Variants in MYOF observed in about 807,000 individuals in gnomAD.
MYOF encodes myoferlin.
Under a neutral mutation model 284.2 loss-of-function variants are expected in MYOF, and 244 were observed. That is an observed-to-expected ratio of 0.86 (90% CI 0.77 to 0.95). MYOF has a LOEUF of 0.95. Ranked by LOEUF, MYOF falls within the 40% of genes least tolerant of loss-of-function variation. MYOF has a pLI of 0.00. For missense variants in MYOF, 2,496 were observed against 2,560.6 expected (o/e 0.97, Z 0.54); for synonymous variants, 904 against 919.7 (o/e 0.98, Z 0.31).
intron 39 of MYOF, among the ~76,000 whole-genome samples, 158 bp downstream of exon 39, chr10:93,339,995 C>T (rs1402505209): frequency 2.0e-5 from 3 of 152,226 alleles, no homozygotes; most frequent in East Asian, 1.9e-4. Flanking sequence ...AGGAGAATGG[C>T]GTGAACCCCG....
chr10:93,473,737 A>G (rs1243141576), intron 1 of MYOF, among the ~76,000 whole-genome samples: 2 of 152,198 alleles, frequency 1.3e-5, no homozygotes, highest in Non-Finnish European at 2.9e-5. Flanking sequence ...GTAATGAAGC[A>G]ATTCTGAACC....
chr10:93,384,494 A>T (rs701852), intron 19 of MYOF, among the ~76,000 whole-genome samples: 45,296 of 151,838 alleles, frequency 0.3, 8,094 homozygotes, highest in Middle Eastern at 0.41. Context: ...AATACAAAAA[A>T]TTAGCTGGGC....
chr10:93,322,128 CCT>C (rs1227116570), intron 48 of MYOF, among the ~76,000 whole-genome samples: 2 of 152,000 alleles, frequency 1.3e-5, no homozygotes, highest in African/African-American at 2.4e-5. Context: ...TGAAACATTC[CCT>C]GTTTATAGTG....
intron 23 of MYOF, among the ~76,000 whole-genome samples, chr10:93,374,403 GTAGAACCAA>G (rs1490679365): frequency 1.3e-5 from 2 of 152,136 alleles, no homozygotes; most frequent in African/African-American, 4.8e-5. Context: ...GTTATACATG[GTAGAACCAA>G]GGTTCAAATT....
chr10:93,381,289 A>G lies in MYOF; in HGVS notation c.1806T>C (p.Tyr602=). Residue 602 remains tyrosine, a synonymous_variant, in exon 20 of 54, where the codon TAT becomes TAC. Coordinates refer to ENST00000359263, the MANE Select transcript of MYOF (RefSeq NM_013451.4). ...AIQFEVSIGN[Y]GNKFDTTCKP... is the part of the protein sequence containing the mutation. The stretch of plus-strand genomic sequence containing the variant: ...TACAGGTGGTGTCAAACTTGTTGCC[A>G]TAGTTCCCAATGCTGACTTCAAACT... The G allele has an allele frequency of 1.2e-6, 2 of 1,614,214 alleles. No homozygotes were observed. Among genetic ancestry groups the G allele is most frequent in the Non-Finnish European group, 1.7e-6 (2 of 1,180,048 alleles).
rs749472835 is a variant in MYOF at position 93,377,314 on chromosome 10, T to A, written c.2108+9A>T. 2.0e-4 allele frequency: 322 copies of A among 1,603,528 alleles called. 2 individuals carry two copies. Among genetic ancestry groups the A allele is most frequent in the Non-Finnish European group, 3.8e-5 (45 of 1,170,530 alleles). ...TGAAAATTCTGAGATAGGCGTAAGA[T>A]CACTGTACCTCGTGTCTTCTATAAC... On this transcript the variant is annotated intron_variant, in intron 22 of 53. Transcript: ENST00000359263.
rs149302931 is a variant in MYOF, at chr10:93,425,638, A to G, written c.433+433T>C. ...GACAGTGAAGGAGGTTCCAGTCGAA[A>G]GCCATGCCCATGAGACTGGTGCTGA... On this transcript the variant is annotated intron_variant, in intron 5 of 53. Transcript: ENST00000359263. 7.5e-4 allele frequency: 128 copies of G among 170,434 alleles called. 1 individual carries two copies. Among genetic ancestry groups the G allele is most frequent in the African/African-American group, 2.8e-3 (118 of 42,126 alleles). 10.6% of individuals were successfully genotyped at this position (170,434 alleles called of 1,614,324 possible). A position where few individuals can be genotyped will look rare whatever the true frequency, so the allele number is the denominator to read the frequency against.
intron 17 of MYOF, among the ~76,000 whole-genome samples, chr10:93,389,468 T>A (rs113742452): frequency 2.0e-5 from 3 of 152,374 alleles, no homozygotes; most frequent in African/African-American, 7.2e-5. Context: ...GGCATTGTAT[T>A]AAACATGCCA....
chr10:93,349,501 T>C (rs1277188684), intron 36 of MYOF, among the ~76,000 whole-genome samples: 2 of 152,230 alleles, frequency 1.3e-5, no homozygotes, highest in Admixed American at 6.5e-5. Flanking sequence ...GGGGTTAATA[T>C]TCTGCCTTCA....
chr10:93,411,685 T>G (rs1847906987), intron 5 of MYOF, among the ~76,000 whole-genome samples: 1 of 152,178 alleles, frequency 6.6e-6, no homozygotes, highest in Non-Finnish European at 1.5e-5. Context: ...GGCCTCCACA[T>G]GCACTGCTTT....
At chr10:93,342,970 A>G (rs1304215772) in intron 38 of MYOF, among the ~76,000 whole-genome samples, 2 of 152,194 alleles carry the variant, frequency 1.3e-5, no homozygotes, top group Non-Finnish European at 2.9e-5. Flanking sequence ...AATCAAACAC[A>G]CTGCTGCACA....
At chr10:93,477,851 AT>A (rs1347317881) in intron 1 of MYOF, among the ~76,000 whole-genome samples, 1 of 152,194 alleles carries the variant, frequency 6.6e-6, no homozygotes, top group African/African-American at 2.4e-5. Flanking sequence ...CATCTAAAAA[AT>A]AAATAAATAA....
At position 93,316,769 on chromosome 10, in the gene MYOF, G is replaced by T. The variant is rs1015628200; in HGVS notation, c.5643C>A (p.Pro1881=). The T allele has an allele frequency of 6.2e-7, 1 of 1,613,982 alleles. No homozygotes were observed. The highest frequency in any genetic ancestry group is 1.1e-5 in the South Asian group (1 of 91,062). ...TGTCCCATATCTGAATGATCAGCCT[G>T]GGTGGGATTCGAAATTCCGTTTGGT... ...SIDQTEFRIP[P]RLIIQIWDND... Residue 1881 remains proline (P), a synonymous_variant, in exon 50 of 54, where the codon CCC becomes CCA. Coordinates refer to ENST00000359263, the MANE Select transcript of MYOF (RefSeq NM_013451.4).
chr10:93,353,598 C>T (rs746983821), intron 32 of MYOF, among the ~76,000 whole-genome samples: 19 of 152,098 alleles, frequency 1.2e-4, no homozygotes, highest in Non-Finnish European at 1.9e-4. Context: ...CCAAAAGTAT[C>T]TTCTATGTAT....
chr10:93,402,080 T>C, intron 11 of MYOF, 152 bp downstream of exon 11: 1 of 626,546 alleles, frequency 1.6e-6, no homozygotes. Context: ...AATTCCATGA[T>C]GAAGAAAAGA....
chr10:93,408,930 G>C lies in MYOF; in HGVS notation c.601-15C>G, dbSNP rs1847764219. 1 of 1,613,470 alleles carries C rather than the reference G, an allele frequency of 6.2e-7. No homozygotes were observed. Among genetic ancestry groups the C allele is most frequent in the Non-Finnish European group, 8.5e-7 (1 of 1,179,606 alleles). The stretch of plus-strand genomic sequence containing the variant: ...CGGACGCGGATCTGCAGCACAGAAG[G>C]GGGATGGTTACCCAACCTTTCCCAG... On this transcript the variant is annotated splice_polypyrimidine_tract_variant and intron_variant, in intron 6 of 53. Coordinates refer to ENST00000359263, the MANE Select transcript of MYOF (RefSeq NM_013451.4).
rs1848123430 is a variant in MYOF, at chr10:93,416,402, TA to T, written c.434-6664del. Among the ~76,000 whole-genome samples the T allele has an allele frequency of 2.0e-5, 3 of 151,904 alleles. No individual in the cohort carries two copies. In the South Asian group the frequency reaches 6.2e-4, roughly 32 times the overall value. ...AGCCAGGTGTGGTGGCAGGCGCCTG[TA>T]ATCCCAGCTACTCGGGAGGCTGAGG... is the stretch of plus-strand genomic sequence containing the variant. On this transcript the variant is annotated intron_variant, in intron 5 of 53. Transcript: ENST00000359263.
At chr10:93,419,998 T>C (rs1456932583) in intron 5 of MYOF, among the ~76,000 whole-genome samples, 2 of 152,136 alleles carry the variant, frequency 1.3e-5, no homozygotes, top group Non-Finnish European at 2.9e-5. Flanking sequence ...CCAGGCGTGG[T>C]GGCCGGTGCC....
chr10:93,452,861 C>T (rs986456340), intron 2 of MYOF, among the ~76,000 whole-genome samples: 5 of 152,076 alleles, frequency 3.3e-5, no homozygotes, highest in South Asian at 2.1e-4. Flanking sequence ...TAAAATGCCT[C>T]TCATTTTAAG....
Sources: allele counts gnomAD v4.1 joint callset (sites outside exome capture counted in the v4.1 genomes callset), GRCh38; gene constraint gnomAD v4.1.1; transcripts MANE v1.5; gene names NCBI Gene and HGNC (gene_info 2026-07-23, HGNC 2026-07-21).